The following CNTN6 variants were observed in gnomAD, a reference collection of about 807,000 sequenced individuals.
CNTN6 encodes contactin 6, also known as contactin-6.
CNTN6 carries 137 observed loss-of-function variants against 122.8 expected under a neutral mutation model. The observed-to-expected ratio is 1.12, with a 90% confidence interval of 0.97 to 1.29. The LOEUF is 1.29. Among genes scored for constraint, CNTN6 ranks in the 50% most tolerant of loss-of-function variants. The pLI, the probability that CNTN6 is intolerant of heterozygous loss-of-function variation, is 0.00. For synonymous variants in CNTN6, 570 were observed against 426.0 expected, an observed-to-expected ratio of 1.34 and a Z score of -4.16; for missense variants, 1,634 against 1,223.4, an observed-to-expected ratio of 1.34 and a Z score of -5.01.
At chr3:1,185,493 C>T (rs901939940) in intron 2 of CNTN6, among the ~76,000 whole-genome samples, 2 of 152,112 alleles carry the variant, frequency 1.3e-5, no homozygotes, top group African/African-American at 4.8e-5. Context: ...TAGCACAAAT[C>T]CTTGGAAGTA....
At chr3:1,176,535 CAAACTAGGGAGT>C (rs1474751778) in intron 2 of CNTN6, among the ~76,000 whole-genome samples, 1 of 152,070 alleles carries the variant, frequency 6.6e-6, no homozygotes, top group Admixed American at 6.5e-5. Context: ...AGATACGAGG[CAAACTAGGGAGT>C]ATGGAATCAC....
intron 7 of CNTN6, among the ~76,000 whole-genome samples, chr3:1,315,721 G>T (rs1700005320): frequency 6.6e-6 from 1 of 151,858 alleles, no homozygotes; most frequent in Non-Finnish European, 1.5e-5. Flanking sequence ...CCACGTTAAA[G>T]AAAAAGGTCC....
rs542069023 is a variant in CNTN6 at position 1,402,385 on chromosome 3, T to G, written c.2885T>G (p.Leu962Arg). The change falls in exon 22 of 23, where the codon CTT becomes CGT. Residue 962 changes from leucine to arginine, a missense_variant. Coordinates refer to ENST00000446702, the MANE Select transcript of CNTN6 (RefSeq NM_001289080.2). ...GAAACAAACAATACATCAGCTGAGC[T>G]TCTGGTTCCATTTGAAGAAGACTAC... ...ILETNNTSAELLVPFEEDYLI... is the reference protein window; with the variant it reads ...ILETNNTSAERLVPFEEDYLI... 2.5e-6 allele frequency: 4 copies of G among 1,612,646 alleles called. No homozygotes were observed. The South Asian group carries it at 4.4e-5, about 18-fold the overall frequency.
intron 1 of CNTN6, among the ~76,000 whole-genome samples, chr3:1,124,475 T>A (rs2125073782): frequency 6.6e-6 from 1 of 152,044 alleles, no homozygotes; most frequent in South Asian, 2.1e-4. Flanking sequence ...ACACCTGTAC[T>A]TTTTCTAATC....
intron 2 of CNTN6, among the ~76,000 whole-genome samples, chr3:1,209,899 G>T (rs2125467633): frequency 6.6e-6 from 1 of 152,196 alleles, no homozygotes; most frequent in South Asian, 2.1e-4. Flanking sequence ...CCCACATTCA[G>T]TTAACTGGCA....
intron 5 of CNTN6, among the ~76,000 whole-genome samples, chr3:1,282,244 C>G (rs1030592365): frequency 6.7e-6 from 1 of 148,926 alleles, no homozygotes; most frequent in African/African-American, 2.4e-5. Flanking sequence ...CTGACTCCAG[C>G]ATAGGCCTTC....
At chr3:1,282,416 A>G (rs17037138) in intron 5 of CNTN6, among the ~76,000 whole-genome samples, 5,084 of 152,278 alleles carry the variant, frequency 0.033, 312 homozygotes, top group African/African-American at 0.12. Flanking sequence ...AAGACGCTCT[A>G]TTTTATCATT....
intron 20 of CNTN6, among the ~76,000 whole-genome samples, chr3:1,388,342 G>A (rs1363381996): frequency 6.8e-6 from 1 of 146,570 alleles, no homozygotes. Context: ...CAGACCTGAA[G>A]CTGAGGGTCC....
At chr3:1,257,471 A>G (rs2094777933) in intron 4 of CNTN6, among the ~76,000 whole-genome samples, 1 of 152,098 alleles carries the variant, frequency 6.6e-6, no homozygotes, top group African/African-American at 2.4e-5. Flanking sequence ...TAATTTCATT[A>G]ATTCCTTCGA....
At chr3:1,314,389 G>A (rs1248607783) in intron 7 of CNTN6, among the ~76,000 whole-genome samples, 2 of 152,010 alleles carry the variant, frequency 1.3e-5, no homozygotes, top group Non-Finnish European at 2.9e-5. Flanking sequence ...CCAAATACAA[G>A]CATCTTAAGA....
intron 11 of CNTN6, among the ~76,000 whole-genome samples, chr3:1,337,829 G>T (rs911050588): frequency 2.0e-5 from 3 of 152,102 alleles, no homozygotes; most frequent in African/African-American, 7.2e-5. Context: ...TTCACATGAA[G>T]ATGTAACAAG....
chr3:1,275,466 A>T (rs1029557338), intron 4 of CNTN6, among the ~76,000 whole-genome samples: 1 of 152,070 alleles, frequency 6.6e-6, no homozygotes, highest in East Asian at 1.9e-4. Context: ...CCTCTCTCTC[A>T]TATCTGTGGT....
At chr3:1,210,552 T>C (rs1264903089) in intron 2 of CNTN6, among the ~76,000 whole-genome samples, 1 of 152,098 alleles carries the variant, frequency 6.6e-6, no homozygotes, top group Non-Finnish European at 1.5e-5. Flanking sequence ...AGCTTGGTAA[T>C]AGAAGAAAAA....
chr3:1,117,404 G>A (rs1235778465), intron 1 of CNTN6, among the ~76,000 whole-genome samples: 1 of 152,076 alleles, frequency 6.6e-6, no homozygotes, highest in East Asian at 1.9e-4. Context: ...ATAATTAGGA[G>A]GCAGAAAAGC....
intron 2 of CNTN6, among the ~76,000 whole-genome samples, chr3:1,200,286 AG>A (rs2093844025): frequency 6.6e-6 from 1 of 152,142 alleles, no homozygotes; most frequent in African/African-American, 2.4e-5. Flanking sequence ...TGCCCTCCTC[AG>A]CTTCCCAAAC....
intron 5 of CNTN6, among the ~76,000 whole-genome samples, chr3:1,292,396 T>G (rs549589753): frequency 6.6e-6 from 1 of 152,180 alleles, no homozygotes; most frequent in East Asian, 1.9e-4. Context: ...ATAAACTTGA[T>G]ATTTTTAATT....
chr3:1,251,954 A>G (rs1396318369), intron 4 of CNTN6, among the ~76,000 whole-genome samples: 1 of 152,130 alleles, frequency 6.6e-6, no homozygotes, highest in Non-Finnish European at 1.5e-5. Context: ...GTAATCTGGC[A>G]CTCTGACTAA....
rs565886524 is a variant in CNTN6, at chr3:1,326,261, C to G, written c.1083+310C>G. On this transcript the variant is annotated intron_variant, in intron 9 of 22. Transcript: ENST00000446702. Reference sequence around the variant, plus strand: ...CGACACGGATAACACTTACTGAACTCTCATATGAGCCAAGCCCTGTGTTAA... The same window carrying G: ...CGACACGGATAACACTTACTGAACTGTCATATGAGCCAAGCCCTGTGTTAA... 2.6e-5 allele frequency among the ~76,000 whole-genome samples: 4 copies of G among 151,950 alleles called. No homozygotes were observed. The South Asian group carries it at 6.2e-4, about 24-fold the overall frequency.
At chr3:1,145,386 G>C (rs1173796238) in intron 1 of CNTN6, among the ~76,000 whole-genome samples, 1 of 152,162 alleles carries the variant, frequency 6.6e-6, no homozygotes, top group Non-Finnish European at 1.5e-5. Context: ...GGAGCAAGAA[G>C]GTGGAGGCAA....
Sources: gnomAD v4.1 joint callset for allele counts (sites outside exome capture counted in the v4.1 genomes callset) on GRCh38, gnomAD v4.1.1 for gene constraint, MANE v1.5 for transcripts, NCBI Gene and HGNC (gene_info 2026-07-23, HGNC 2026-07-21) for gene names.